ZNF473: variants seen among roughly 807,000 people sequenced by gnomAD.
ZNF473 encodes the protein zinc finger protein 473, also known as zinc finger protein 100 homolog.
In ZNF473, 4 loss-of-function variants were observed where a neutral mutation model predicts 11.1. The ratio of observed to expected loss-of-function variants is 0.36; its 90% CI spans 0.18 to 0.82. The LOEUF is 0.82. Ranked by LOEUF, ZNF473 falls within the 40% of genes least tolerant of loss-of-function variation. The pLI, the probability that ZNF473 is intolerant of heterozygous loss-of-function variation, is 0.49. For missense variants in ZNF473, 854 were observed against 1,084.0 expected (o/e 0.79, Z 2.98); for synonymous variants, 404 against 390.4 (o/e 1.03, Z -0.41).
intron 2 of ZNF473, among the ~76,000 whole-genome samples, chr19:50,037,459 G>A (rs115708044): frequency 6.6e-6 from 1 of 152,138 alleles, no homozygotes; most frequent in African/African-American, 2.4e-5. Flanking sequence ...CTAGAGATGG[G>A]GTGTGTGGGG....
Position 50,039,562 on chromosome 19 carries a change from C to T in ZNF473, c.136+275C>T, listed in dbSNP as rs1268345380. On this transcript the variant is annotated intron_variant, in intron 3 of 4. Transcript: ENST00000270617. This position sits in a 1 kb window ranked among gnomAD's most constrained non-coding sequence, Gnocchi z 4.8. ...TACAGTGCACAGCACAGCCCCACAA[C>T]CAAGGATTGGCCCACGCCAGTGTCA... 1.3e-5 allele frequency among the ~76,000 whole-genome samples: 2 copies of T among 152,272 alleles called. No individual in the cohort carries two copies. Among genetic ancestry groups the T allele is most frequent in the African/African-American group, 4.8e-5 (2 of 41,474 alleles).
Position 50,039,343 on chromosome 19 carries a change from T to C in ZNF473, c.136+56T>C. ...CACTGCCCTGCTTGGTGATCACCCA[T>C]GCTCTCTACCACCCACAGGGTGAAG... On this transcript the variant is annotated intron_variant, in intron 3 of 4. Coordinates refer to ENST00000270617, the MANE Select transcript of ZNF473 (RefSeq NM_015428.4). This position sits in a 1 kb window ranked among gnomAD's most constrained non-coding sequence, Gnocchi z 4.8. 1 of 1,604,508 alleles carries C rather than the reference T, an allele frequency of 6.2e-7. No homozygotes were observed. The highest frequency in any genetic ancestry group is 8.5e-7 in the Non-Finnish European group (1 of 1,173,736).
intron 1 of ZNF473, among the ~76,000 whole-genome samples, chr19:50,028,072 G>A (rs1248321015): frequency 6.6e-6 from 1 of 152,030 alleles, no homozygotes; most frequent in Admixed American, 6.5e-5. Context: ...GCCGAGGTGG[G>A]TGGATCACGA....
At position 50,044,930 on chromosome 19, in the gene ZNF473, T is replaced by A. The variant is rs149885459; in HGVS notation, c.487T>A (p.Ser163Thr). The change falls in exon 5 of 5, where the codon TCC (serine) becomes ACC (threonine). Residue 163 changes from serine to threonine, a missense_variant. This residue lies in a region of ZNF473 where 668 missense variants were observed against 790.2 expected (regional missense o/e 0.85). Transcript: ENST00000270617. ...KRGLSPVSTV[S>T]TGEDSMVHNV... is the part of the protein sequence containing the mutation. ...AGGACTCAGTCCTGTGTCCACCGTT[T>A]CCACGGGAGAAGATTCCATGGTGCA... The A allele has an allele frequency of 5.8e-5, 94 of 1,614,236 alleles. 1 individual carries two copies. The African/African-American group carries it at 1.2e-3, about 20-fold the overall frequency.
In ZNF473 at chr19:50,044,980, A is replaced by G. The variant is rs764263498; in HGVS notation, c.537A>G (p.Thr179=). The change falls in exon 5 of 5, where the codon ACA becomes ACG. Residue 179 remains threonine (T), a synonymous_variant. Coordinates refer to ENST00000270617, the MANE Select transcript of ZNF473 (RefSeq NM_015428.4). ...ATAATGTTTCTGAAAAGACCCTCAC[A>G]CCAGCTAAGTCTAAGGAATATAGGG... ...MVHNVSEKTL[T]PAKSKEYRGE... 3 of 1,614,100 alleles carry G rather than the reference A, an allele frequency of 1.9e-6. No individual in the cohort carries two copies. The African/African-American group carries it at 4.0e-5, about 22-fold the overall frequency.
chr19:50,045,771 A>C lies in ZNF473; in HGVS notation c.1328A>C (p.His443Pro). ...CSECGKAFHR[H>P]THLNEHRRIH... ...GAGTGTGGGAAGGCCTTCCACCGGC[A>C]CACTCACCTTAATGAACATCGGCGA... Residue 443 changes from histidine to proline, a missense_variant, in exon 5 of 5, where the codon CAC becomes CCC. His to Pro is a moderately conservative substitution (Grantham distance 77). Around this residue, in one of 2 missense-constraint regions of ZNF473, gnomAD observed 668 missense variants for 790.2 expected, o/e 0.85. Transcript: ENST00000270617. 6.2e-7 allele frequency: 1 copy of C among 1,614,146 alleles called. No individual in the cohort carries two copies. Among genetic ancestry groups the C allele is most frequent in the Non-Finnish European group, 8.5e-7 (1 of 1,180,028 alleles).
intron 2 of ZNF473, among the ~76,000 whole-genome samples, chr19:50,037,658 C>CAAA (rs67239809): frequency 7.2e-6 from 1 of 138,576 alleles, no homozygotes; most frequent in African/African-American, 2.7e-5. Flanking sequence ...CCTACTCTAC[C>CAAA]AAAAAAAAAA....
In ZNF473 at chr19:50,041,746, C is replaced by G. The variant is rs1427568758; in HGVS notation, c.153C>G (p.Asn51Lys). ...DLFLLDPPRP[N>K]LTSHPDGSED... ...TCCCTGCAGACCCCCCAAGACCCAACCTGACCTCCCACCCAGATGGCAGTG... is the reference window on the plus strand; with the variant it reads ...TCCCTGCAGACCCCCCAAGACCCAAGCTGACCTCCCACCCAGATGGCAGTG... The change falls in exon 4 of 5, where the codon AAC (asparagine) becomes AAG (lysine). Residue 51 changes from asparagine (N) to lysine (K), a missense_variant. This residue lies in a region of ZNF473 where 668 missense variants were observed against 790.2 expected (regional missense o/e 0.85). Coordinates refer to ENST00000270617, the MANE Select transcript of ZNF473 (RefSeq NM_015428.4). The G allele has an allele frequency of 1.9e-6, 3 of 1,612,306 alleles. No individual in the cohort carries two copies. In the Admixed American group the frequency reaches 5.0e-5, roughly 27 times the overall value.
chr19:50,033,964 A>G (rs1297264872), intron 2 of ZNF473, among the ~76,000 whole-genome samples: 2 of 152,198 alleles, frequency 1.3e-5, no homozygotes, highest in African/African-American at 4.8e-5. Flanking sequence ...CATGTAAGAT[A>G]ATATTCATGG....
chr19:50,039,221 G>C lies in ZNF473; in HGVS notation c.70G>C (p.Gly24Arg), dbSNP rs139691184. The C allele has an allele frequency of 2.5e-6, 4 of 1,613,984 alleles. No homozygotes were observed. The highest frequency in any genetic ancestry group is 3.4e-6 in the Non-Finnish European group (4 of 1,179,994). Residue 24 changes from glycine to arginine, a missense_variant, in exon 3 of 5, where the codon GGG becomes CGG. Physicochemically the swap from Gly to Arg is moderately radical, Grantham distance 125. Coordinates refer to ENST00000270617, the MANE Select transcript of ZNF473 (RefSeq NM_015428.4). The surrounding 1 kb of genome is among the most constrained non-coding windows in gnomAD (Gnocchi z 4.8). ...DFTLGDWEQL[G>R]LEQGDTFWDT... ...CACCTTGGGAGACTGGGAGCAGCTC[G>C]GGCTGGAACAGGGGGACACGTTCTG...
At chr19:50,038,177 T>TTTTATAAA (rs1183529148) in intron 2 of ZNF473, among the ~76,000 whole-genome samples, 5 of 133,564 alleles carry the variant, frequency 3.7e-5, no homozygotes, top group African/African-American at 1.8e-4. Flanking sequence ...TAAATTATAA[T>TTTTATAAA]TTTATAAATT....
chr19:50,032,063 A>G (rs983330558), intron 2 of ZNF473, among the ~76,000 whole-genome samples: 4 of 151,318 alleles, frequency 2.6e-5, no homozygotes, highest in East Asian at 3.9e-4. Flanking sequence ...AGTGCCCACA[A>G]TGTGGTCTAG....
Position 50,046,312 on chromosome 19 carries a change from G to A in ZNF473, c.1869G>A (p.Glu623=), listed in dbSNP as rs1979117456. The change falls in exon 5 of 5, where the codon GAG becomes GAA. Residue 623 remains glutamate, a synonymous_variant. Transcript: ENST00000270617. This position sits in a 1 kb window ranked among gnomAD's most constrained non-coding sequence, Gnocchi z 5.9. ...GAGTGAGGCTGTATAAATGGGGTGAGCAAGGGAAAGCCATCAGCAGTGCCT... is the reference window on the plus strand; with the variant it reads ...GAGTGAGGCTGTATAAATGGGGTGAACAAGGGAAAGCCATCAGCAGTGCCT... The part of the protein sequence containing the change: ...HSRVRLYKWG[E]QGKAISSASL... The A allele has an allele frequency of 6.2e-7, 1 of 1,614,018 alleles. No homozygotes were observed. The highest frequency in any genetic ancestry group is 1.1e-5 in the South Asian group (1 of 91,078).
chr19:50,033,664 T>C (rs977498804), intron 2 of ZNF473, among the ~76,000 whole-genome samples: 13 of 152,138 alleles, frequency 8.5e-5, no homozygotes, highest in African/African-American at 3.1e-4. Context: ...AATCCCAAAA[T>C]GATCTCACGG....
chr19:50,028,389 C>T (rs1047148531), intron 1 of ZNF473, among the ~76,000 whole-genome samples: 2 of 151,918 alleles, frequency 1.3e-5, no homozygotes, highest in African/African-American at 4.8e-5. Context: ...AATCATAGCT[C>T]ACTGCAGCCT....
At position 50,036,537 on chromosome 19, in the gene ZNF473, G is replaced by T. The variant is rs563742386; in HGVS notation, c.10-2624G>T. Among the ~76,000 whole-genome samples the T allele has an allele frequency of 8.8e-4, 133 of 150,434 alleles. 1 individual carries two copies. The highest frequency in any genetic ancestry group is 2.8e-3 in the Admixed American group (43 of 15,116). On this transcript the variant is annotated intron_variant, in intron 2 of 4. Transcript: ENST00000270617. ...GGCGGGGTTTCACTGTGTTAGCCAG[G>T]ATGGTGTCGATCTCCTGACCTCATG...
rs1979089489 is a variant in ZNF473 at position 50,045,956 on chromosome 19, C to T, written c.1513C>T (p.His505Tyr). The part of the protein sequence containing the change: ...TFSDNNRLVQ[H>Y]QKMHTVKTPY... ...CAGCGATAACAATCGCCTTGTGCAA[C>T]ACCAGAAAATGCACACTGTCAAAAC... Residue 505 changes from histidine (H) to tyrosine (Y), a missense_variant, in exon 5 of 5, where the codon CAC (histidine) becomes TAC (tyrosine). By Grantham distance (83) the His-to-Tyr change is moderately conservative. This residue lies in a region of ZNF473 where 668 missense variants were observed against 790.2 expected (regional missense o/e 0.85). Transcript: ENST00000270617. 6.2e-7 allele frequency: 1 copy of T among 1,614,072 alleles called. No individual in the cohort carries two copies. Among genetic ancestry groups the T allele is most frequent in the Non-Finnish European group, 8.5e-7 (1 of 1,180,048 alleles).
In ZNF473 at chr19:50,047,032, A is replaced by C. The variant is rs768943280; in HGVS notation, c.2589A>C (p.Val863=). ...CGAGCCTCAGCCGCCATCAGCGTGT[A>C]CACAACAAGCAGCAATACTGCCTGT... is the stretch of plus-strand genomic sequence containing the variant. ...CHSSLSRHQR[V]HNKQQYCL The change falls in exon 5 of 5, where the codon GTA becomes GTC. Residue 863 remains valine, a synonymous_variant. Coordinates refer to ENST00000270617, the MANE Select transcript of ZNF473 (RefSeq NM_015428.4). 1 of 1,613,512 alleles carries C rather than the reference A, an allele frequency of 6.2e-7. No individual in the cohort carries two copies. Among genetic ancestry groups the C allele is most frequent in the Admixed American group, 1.7e-5 (1 of 60,024 alleles).
chr19:50,039,303 C>G lies in ZNF473; in HGVS notation c.136+16C>G. 2 of 1,613,474 alleles carry G rather than the reference C, an allele frequency of 1.2e-6. No individual in the cohort carries two copies. Among genetic ancestry groups the G allele is most frequent in the Non-Finnish European group, 1.7e-6 (2 of 1,179,604 alleles). On this transcript the variant is annotated intron_variant, in intron 3 of 4. Transcript: ENST00000270617. The surrounding 1 kb of genome is among the most constrained non-coding windows in gnomAD (Gnocchi z 4.8). The stretch of plus-strand genomic sequence containing the variant: ...TTCCTGCTGGGTGAGTGTTGCCTGT[C>G]CCCAGGGGCCTACTCACTGCCCTGC...
Sources: allele counts gnomAD v4.1 joint callset (sites outside exome capture counted in the v4.1 genomes callset), GRCh38; gene constraint gnomAD v4.1.1; regional missense constraint gnomAD v4.1.1; non-coding constraint Gnocchi (gnomAD v3.1); transcripts MANE v1.5; gene names NCBI Gene and HGNC (gene_info 2026-07-23, HGNC 2026-07-21).